The following RBFOX1 variants were observed in gnomAD, a reference collection of about 807,000 sequenced individuals.
The protein encoded by RBFOX1 is RNA binding protein fox-1 homolog 1.
A neutral mutation model predicts 57.7 loss-of-function variants in RBFOX1; 8 were observed. The ratio of observed to expected loss-of-function variants is 0.14; its 90% confidence interval spans 0.08 to 0.25. The LOEUF (loss-of-function observed/expected upper bound fraction) is 0.25, where lower values mean the gene tolerates loss of function less well. RBFOX1 is among the 10% of genes least tolerant of loss of function. The pLI is 1.00. For synonymous variants in RBFOX1, 326 were observed against 222.4 expected (o/e 1.47, Z -4.15); for missense variants, 611 against 548.5 (o/e 1.11, Z -1.14).
intron 1 of RBFOX1, among the ~76,000 whole-genome samples, chr16:6,218,275 C>G (rs984295085): frequency 4.3e-5 from 3 of 69,414 alleles, no homozygotes; most frequent in Non-Finnish European, 5.7e-5. Context: ...CTAGTGAAGT[C>G]TTTTTATTTA....
At chr16:6,559,101 A>G (rs1026705063) in intron 2 of RBFOX1, among the ~76,000 whole-genome samples, 2 of 120,718 alleles carry the variant, frequency 1.7e-5, no homozygotes, top group Admixed American at 1.6e-4. Context: ...CCTCCAGTTT[A>G]TATATACATA....
chr16:5,785,173 G>T (rs556519033), intron 3 of RBFOX1, among the ~76,000 whole-genome samples: 1 of 152,132 alleles, frequency 6.6e-6, no homozygotes, highest in Non-Finnish European at 1.5e-5. Context: ...GACATTCAAC[G>T]GTCCTTGCTA....
intron 4 of RBFOX1, among the ~76,000 whole-genome samples, chr16:7,290,193 T>G (rs1379043877): frequency 2.0e-5 from 3 of 152,204 alleles, no homozygotes; most frequent in Non-Finnish European, 4.4e-5. Flanking sequence ...ACTTCAAATG[T>G]GAAGCATGTA....
At chr16:5,635,600 G>C (rs1455598513) in intron 3 of RBFOX1, among the ~76,000 whole-genome samples, 1 of 152,154 alleles carries the variant, frequency 6.6e-6, no homozygotes, top group African/African-American at 2.4e-5. Context: ...AAACTTTCTG[G>C]CATCTCATTA....
intron 3 of RBFOX1, among the ~76,000 whole-genome samples, chr16:6,999,690 T>A (rs990878151): frequency 1.3e-5 from 2 of 152,080 alleles, no homozygotes; most frequent in Non-Finnish European, 2.9e-5. Context: ...AATATACTAT[T>A]ATTATTAAAT....
chr16:5,467,194 CTCT>C (rs753238876), intron 1 of RBFOX1: 519 of 1,448,048 alleles, frequency 3.6e-4, no homozygotes, highest in Admixed American at 2.1e-3. Flanking sequence ...CTCTCTCTCT[CTCT>C]TTTTTTTTTT....
chr16:6,142,520 C>CA (rs1208002716), intron 1 of RBFOX1, among the ~76,000 whole-genome samples: 5 of 151,544 alleles, frequency 3.3e-5, no homozygotes, highest in African/African-American at 1.2e-4. Flanking sequence ...CATGCCTGGC[C>CA]AAAAAAATCC....
intron 4 of RBFOX1, among the ~76,000 whole-genome samples, chr16:7,501,930 A>G (rs935081818): frequency 6.6e-6 from 1 of 152,166 alleles, no homozygotes; most frequent in East Asian, 1.9e-4. Context: ...GCCCCCAAAC[A>G]TAGCACAGTC....
At chr16:6,534,062 A>T (rs2096701829) in intron 2 of RBFOX1, among the ~76,000 whole-genome samples, 1 of 152,196 alleles carries the variant, frequency 6.6e-6, no homozygotes, top group African/African-American at 2.4e-5. Context: ...ATCAAGAGAA[A>T]TGAAAACATA....
At chr16:7,151,078 A>G (rs2152282896) in intron 4 of RBFOX1, among the ~76,000 whole-genome samples, 1 of 152,266 alleles carries the variant, frequency 6.6e-6, no homozygotes. Flanking sequence ...AGAGGCTGTT[A>G]AGTGTATTCT....
At chr16:6,911,921 G>C (rs1174847548) in intron 3 of RBFOX1, among the ~76,000 whole-genome samples, 2 of 152,178 alleles carry the variant, frequency 1.3e-5, no homozygotes, top group African/African-American at 4.8e-5. Context: ...AGAAGACACA[G>C]TGTAAGATTT....
intron 7 of RBFOX1, among the ~76,000 whole-genome samples, chr16:7,590,243 G>C (rs146281179): frequency 4.0e-4 from 60 of 151,708 alleles, no homozygotes; most frequent in African/African-American, 1.4e-3. Flanking sequence ...TTCCAGCTTG[G>C]GTGACAGAGT....
intron 3 of RBFOX1, among the ~76,000 whole-genome samples, chr16:6,817,880 T>A (rs909607062): frequency 6.6e-6 from 1 of 152,166 alleles, no homozygotes; most frequent in Non-Finnish European, 1.5e-5. Flanking sequence ...AAGCCCTTCA[T>A]GAAGGCTTGC....
At chr16:7,387,645 A>G (rs2097907197) in intron 4 of RBFOX1, among the ~76,000 whole-genome samples, 1 of 152,130 alleles carries the variant, frequency 6.6e-6, no homozygotes, top group African/African-American at 2.4e-5. Flanking sequence ...GTTTGGAAGA[A>G]AGGTGAAACT....
intron 3 of RBFOX1, among the ~76,000 whole-genome samples, chr16:6,932,458 C>G (rs1016094106): frequency 2.6e-5 from 4 of 152,186 alleles, no homozygotes; most frequent in Admixed American, 2.6e-4. Context: ...TTGGCAGTTA[C>G]ATTTCAACCT....
At chr16:5,460,930 G>C (rs539718700) in intron 1 of RBFOX1, among the ~76,000 whole-genome samples, 4 of 152,220 alleles carry the variant, frequency 2.6e-5, no homozygotes, top group South Asian at 2.1e-4. Context: ...CATCAGGAAG[G>C]GGGGTGGGTG....
At chr16:7,384,570 T>C (rs2097846485) in intron 4 of RBFOX1, among the ~76,000 whole-genome samples, 1 of 152,202 alleles carries the variant, frequency 6.6e-6, no homozygotes, top group Admixed American at 6.5e-5. Context: ...ATCTGGGCTT[T>C]ATTTTTCCCA....
intron 4 of RBFOX1, among the ~76,000 whole-genome samples, chr16:7,263,929 A>T (rs1032567910): frequency 6.6e-6 from 1 of 151,356 alleles, no homozygotes; most frequent in African/African-American, 2.4e-5. Flanking sequence ...TTAAAAAAAA[A>T]AAAAAAACAA....
chr16:7,128,730 G>C (rs989246422), intron 4 of RBFOX1, among the ~76,000 whole-genome samples: 10 of 152,008 alleles, frequency 6.6e-5, no homozygotes, highest in Admixed American at 4.6e-4. Context: ...GATGTTCATG[G>C]TCATATCACA....
Sources: gnomAD v4.1 joint callset for allele counts (sites outside exome capture counted in the v4.1 genomes callset) on GRCh38, gnomAD v4.1.1 for gene constraint, MANE v1.5 for transcripts, NCBI Gene and HGNC (gene_info 2026-07-23, HGNC 2026-07-21) for gene names.